PEAK1: variants seen among roughly 807,000 people sequenced by gnomAD.
PEAK1 encodes the protein inactive tyrosine-protein kinase PEAK1.
Under a neutral mutation model 124.7 loss-of-function variants are expected in PEAK1, and 54 were observed. That is an observed-to-expected ratio of 0.43 (90% CI 0.35 to 0.54). The LOEUF is 0.54. PEAK1 is among the 20% of genes least tolerant of loss of function. The pLI is 0.01. For synonymous variants in PEAK1, 719 were observed against 760.0 expected (o/e 0.95, Z 0.89); for missense variants, 2,046 against 2,134.5 (o/e 0.96, Z 0.82).
At chr15:77,199,022 T>C (rs994698296) in intron 6 of PEAK1, among the ~76,000 whole-genome samples, 4 of 152,214 alleles carry the variant, frequency 2.6e-5, no homozygotes, top group African/African-American at 9.6e-5. Context: ...CACCAGGATT[T>C]AAGGCAGGAA....
At chr15:77,367,806 T>C (rs752934228) in intron 1 of PEAK1, among the ~76,000 whole-genome samples, 19 of 152,222 alleles carry the variant, frequency 1.2e-4, no homozygotes, top group Non-Finnish European at 2.5e-4. Context: ...GTTTTAATAA[T>C]TTATTCATTC....
intron 2 of PEAK1, among the ~76,000 whole-genome samples, chr15:77,344,254 C>T (rs1326675795): frequency 2.0e-5 from 3 of 152,112 alleles, no homozygotes; most frequent in Non-Finnish European, 4.4e-5. Context: ...GCCACCACGC[C>T]CGGCTAATTT....
chr15:77,224,342 T>C (rs969432613), intron 6 of PEAK1, among the ~76,000 whole-genome samples: 2 of 152,044 alleles, frequency 1.3e-5, no homozygotes, highest in Non-Finnish European at 2.9e-5. Flanking sequence ...TAGAATTCAA[T>C]GTTCACATTA....
At chr15:77,135,508 C>G (rs2053243433) in intron 8 of PEAK1, among the ~76,000 whole-genome samples, 1 of 152,202 alleles carries the variant, frequency 6.6e-6, no homozygotes, top group African/African-American at 2.4e-5. Flanking sequence ...GGCTACAAAC[C>G]TGTACAACAT....
intron 6 of PEAK1, among the ~76,000 whole-genome samples, chr15:77,222,059 T>C (rs1303522608): frequency 1.3e-5 from 2 of 152,048 alleles, no homozygotes; most frequent in African/African-American, 2.4e-5. Context: ...TTTTTTCTTT[T>C]TCAAAATAAA....
intron 6 of PEAK1, among the ~76,000 whole-genome samples, chr15:77,183,325 T>G (rs1431483542): frequency 6.6e-6 from 1 of 152,016 alleles, no homozygotes; most frequent in Non-Finnish European, 1.5e-5. Flanking sequence ...GACTGTATGC[T>G]TCACTTTTAC....
At chr15:77,302,689 G>A (rs575825370) in intron 2 of PEAK1, among the ~76,000 whole-genome samples, 22 of 152,202 alleles carry the variant, frequency 1.4e-4, no homozygotes, top group African/African-American at 4.6e-4. Context: ...ACTCCCTTCA[G>A]TGAGATTATT....
chr15:77,404,545 T>TTGTA, intron 1 of PEAK1: 3 of 678,948 alleles, frequency 4.4e-6, no homozygotes, highest in Non-Finnish European at 3.6e-6. Flanking sequence ...ACCTGCTTTT[T>TTGTA]TGTACTTTTT....
intron 1 of PEAK1, among the ~76,000 whole-genome samples, chr15:77,386,488 C>T (rs1195872293): frequency 1.3e-5 from 2 of 152,056 alleles, no homozygotes; most frequent in African/African-American, 4.8e-5. Flanking sequence ...CACTTAATTA[C>T]AATCAGAGGG....
intron 6 of PEAK1, among the ~76,000 whole-genome samples, chr15:77,215,116 G>A (rs758235666): frequency 2.4e-4 from 37 of 152,226 alleles, no homozygotes; most frequent in South Asian, 8.3e-4. Flanking sequence ...ACTTGGTATC[G>A]TTGGTCTTTT....
chr15:77,274,188 G>A (rs1221509979), intron 5 of PEAK1, among the ~76,000 whole-genome samples: 1 of 152,106 alleles, frequency 6.6e-6, no homozygotes. Context: ...AGATAACATT[G>A]GGAAAAGCCT....
chr15:77,107,468 G>A (rs1317016630), downstream of PEAK1: 1 of 152,246 alleles, frequency 6.6e-6, no homozygotes, highest in African/African-American at 2.4e-5. Context: ...GAGAAGAGCA[G>A]AGACACCGGG....
intron 2 of PEAK1, among the ~76,000 whole-genome samples, chr15:77,292,799 A>G (rs1160198109): frequency 6.6e-6 from 1 of 152,234 alleles, no homozygotes; most frequent in African/African-American, 2.4e-5. Flanking sequence ...ATATGAACGT[A>G]TATGAATACT....
intron 5 of PEAK1, among the ~76,000 whole-genome samples, chr15:77,260,167 G>A (rs2061366690): frequency 6.6e-6 from 1 of 152,072 alleles, no homozygotes; most frequent in South Asian, 2.1e-4. Context: ...TCCCCAGAAG[G>A]GACAAATCAC....
rs560089337 is a variant in PEAK1, at chr15:77,268,559, G to A, written c.-275+15324C>T. Among the ~76,000 whole-genome samples, 4 of 152,150 alleles carry A rather than the reference G, an allele frequency of 2.6e-5. No homozygotes were observed. In the East Asian group the frequency reaches 7.7e-4, roughly 29 times the overall value. ...AAGAATAATTGGTGTTTCTGGGGAA[G>A]AAGAGAAATCTAAAAGTTTGGAAAA... On this transcript the variant is annotated intron_variant, in intron 5 of 9. Coordinates refer to ENST00000682557, the MANE Select transcript of PEAK1 (RefSeq NM_001385026.1).
chr15:77,180,315 T>C lies in PEAK1; in HGVS notation c.1612A>G (p.Ser538Gly), dbSNP rs549383668. 6.8e-6 allele frequency: 11 copies of C among 1,613,958 alleles called. No individual in the cohort carries two copies. In the South Asian group the frequency reaches 1.2e-4, roughly 18 times the overall value. ...AIRYQEVWTS[S>G]TSPRQKIPKV... ...GGTATCTTTTGTCGTGGACTGGTGC[T>C]AGAAGTCCATACTTCTTGGTATCGA... The change falls in exon 7 of 10, where the codon AGC (serine) becomes GGC (glycine). Residue 538 changes from serine (S) to glycine (G), a missense_variant. Ser to Gly is a moderately conservative substitution (Grantham distance 56). Coordinates refer to ENST00000682557, the MANE Select transcript of PEAK1 (RefSeq NM_001385026.1).
intron 6 of PEAK1, among the ~76,000 whole-genome samples, chr15:77,231,258 A>G (rs2059899495): frequency 6.6e-6 from 1 of 152,176 alleles, no homozygotes; most frequent in African/African-American, 2.4e-5. Flanking sequence ...TCAGTAGTTA[A>G]AAAAAGTATA....
chr15:77,333,450 C>G (rs1354942076), intron 2 of PEAK1: 2 of 942,622 alleles, frequency 2.1e-6, no homozygotes, highest in Non-Finnish European at 2.5e-6. Context: ...TTTCTTTTCT[C>G]TAACAACTAT....
intron 1 of PEAK1, among the ~76,000 whole-genome samples, chr15:77,376,990 G>A (rs1311795573): frequency 6.6e-6 from 1 of 152,162 alleles, no homozygotes; most frequent in Non-Finnish European, 1.5e-5. Flanking sequence ...ACTATACCCA[G>A]AGGCTATTTA....
Sources: allele counts gnomAD v4.1 joint callset (sites outside exome capture counted in the v4.1 genomes callset), GRCh38; gene constraint gnomAD v4.1.1; transcripts MANE v1.5; gene names NCBI Gene and HGNC (gene_info 2026-07-23, HGNC 2026-07-21).